KALRN: variants seen among roughly 807,000 people sequenced by gnomAD.
The protein encoded by KALRN is kalirin RhoGEF kinase.
KALRN carries 70 observed loss-of-function variants against 353.7 expected under a neutral mutation model. The observed-to-expected ratio is 0.20, with a 90% CI of 0.16 to 0.24. KALRN has a LOEUF of 0.24. KALRN is among the 10% of genes least tolerant of loss of function. KALRN has a pLI of 1.00. For missense variants in KALRN, 2,791 were observed against 3,756.7 expected, an observed-to-expected ratio of 0.74 and a Z score of 6.72; for synonymous variants, 1,391 against 1,434.8, an observed-to-expected ratio of 0.97 and a Z score of 0.69.
intron 1 of KALRN, among the ~76,000 whole-genome samples, chr3:124,197,698 G>A (rs573206257): frequency 6.6e-6 from 1 of 152,288 alleles, no homozygotes; most frequent in African/African-American, 2.4e-5. Context: ...GACGTGACAG[G>A]CAGGGCTTGT....
intron 51 of KALRN, among the ~76,000 whole-genome samples, chr3:124,680,912 T>A (rs1378356429): frequency 6.6e-6 from 1 of 152,176 alleles, no homozygotes; most frequent in Admixed American, 6.5e-5. Flanking sequence ...TCAGGCTCTG[T>A]TTTCCTTGCA....
chr3:124,108,133 C>T (rs1021970640), intron 1 of KALRN, among the ~76,000 whole-genome samples: 6 of 152,146 alleles, frequency 3.9e-5, no homozygotes, highest in African/African-American at 1.2e-4. Flanking sequence ...CTCCACTTAG[C>T]ACAAGGAACA....
At chr3:124,441,460 C>T (rs1363765370) in intron 18 of KALRN, among the ~76,000 whole-genome samples, 1 of 152,178 alleles carries the variant, frequency 6.6e-6, no homozygotes, top group East Asian at 1.9e-4. Flanking sequence ...ATTGGAGTCT[C>T]CATGAACCAG....
chr3:124,462,718 T>C, intron 25 of KALRN, 85 bp downstream of exon 25: 1 of 732,524 alleles, frequency 1.4e-6, no homozygotes, highest in South Asian at 1.7e-5. Context: ...TCAAAGGCGA[T>C]TGGTGAATCT....
chr3:124,175,599 G>A (rs1024773470), intron 1 of KALRN, among the ~76,000 whole-genome samples: 6 of 151,288 alleles, frequency 4.0e-5, no homozygotes, highest in Admixed American at 1.3e-4. Context: ...GGAGGTGCGC[G>A]CTGCCGAGTG....
At chr3:124,696,561 A>C (rs911653129) in intron 54 of KALRN, among the ~76,000 whole-genome samples, 1 of 152,220 alleles carries the variant, frequency 6.6e-6, no homozygotes, top group African/African-American at 2.4e-5. Context: ...AAAAAATTCA[A>C]ATAGAGACAG....
intron 3 of KALRN, among the ~76,000 whole-genome samples, chr3:124,261,599 A>G (rs1187988249): frequency 6.6e-6 from 1 of 152,216 alleles, no homozygotes; most frequent in Non-Finnish European, 1.5e-5. Context: ...GTTGTCAGAA[A>G]TGATTAGTTA....
intron 1 of KALRN, among the ~76,000 whole-genome samples, chr3:124,148,692 C>T (rs1423290757): frequency 6.6e-6 from 1 of 151,442 alleles, no homozygotes; most frequent in Non-Finnish European, 1.5e-5. Flanking sequence ...GAAGCATGCG[C>T]TGAGTTAATC....
intron 2 of KALRN, among the ~76,000 whole-genome samples, chr3:124,231,390 C>T (rs932951093): frequency 2.0e-5 from 3 of 152,218 alleles, no homozygotes; most frequent in Admixed American, 6.5e-5. Flanking sequence ...TGTGCATACA[C>T]GCCTTCCTTT....
At chr3:124,210,040 T>C (rs562863687) in intron 1 of KALRN, among the ~76,000 whole-genome samples, 3 of 152,192 alleles carry the variant, frequency 2.0e-5, no homozygotes, top group African/African-American at 7.2e-5. Flanking sequence ...AGTGAAAGAG[T>C]TGTAGGTTCA....
intron 1 of KALRN, among the ~76,000 whole-genome samples, chr3:124,168,231 TGAA>T (rs933587285): frequency 1.3e-5 from 2 of 152,128 alleles, no homozygotes; most frequent in Admixed American, 1.3e-4. Context: ...TTTAAAAAGT[TGAA>T]GAGTTATGCG....
intron 3 of KALRN, among the ~76,000 whole-genome samples, chr3:124,242,194 C>T (rs189055123): frequency 5.2e-4 from 79 of 152,328 alleles, no homozygotes; most frequent in South Asian, 1.5e-3. Context: ...AATGGGGAAA[C>T]AGTTCCAATA....
At chr3:124,233,510 T>G (rs551790904) in intron 2 of KALRN, among the ~76,000 whole-genome samples, 2 of 152,274 alleles carry the variant, frequency 1.3e-5, no homozygotes, top group South Asian at 4.2e-4. Context: ...GCTGAAACAC[T>G]TTTTCATCAG....
intron 48 of KALRN, among the ~76,000 whole-genome samples, chr3:124,673,097 A>G (rs2086663757): frequency 6.6e-6 from 1 of 152,146 alleles, no homozygotes; most frequent in African/African-American, 2.4e-5. Flanking sequence ...TTTGTCAAAC[A>G]TATCGGGCCA....
At chr3:124,416,735 A>G (rs935211702) in intron 14 of KALRN, among the ~76,000 whole-genome samples, 1 of 152,240 alleles carries the variant, frequency 6.6e-6, no homozygotes, top group South Asian at 2.1e-4. Context: ...CCAATGGCTG[A>G]GGAATGTAAG....
chr3:124,218,227 C>A (rs1039808326), intron 1 of KALRN, among the ~76,000 whole-genome samples: 3 of 152,146 alleles, frequency 2.0e-5, no homozygotes, highest in Admixed American at 2.0e-4. Flanking sequence ...ACTGACTTTT[C>A]AAGTCAGCAA....
chr3:124,245,688 T>C (rs896013533), intron 3 of KALRN, among the ~76,000 whole-genome samples: 1 of 152,114 alleles, frequency 6.6e-6, no homozygotes, highest in Non-Finnish European at 1.5e-5. Context: ...TGTTGTTTTT[T>C]GTTTTTTTTT....
chr3:124,044,892 TC>T (rs57535469), intron 1 of KALRN, among the ~76,000 whole-genome samples: 6,166 of 28,048 alleles, frequency 0.22, 204 homozygotes, highest in South Asian at 0.41. Flanking sequence ...CTTCCTTCCT[TC>T]CTTCCTTCCT....
intron 34 of KALRN, among the ~76,000 whole-genome samples, chr3:124,613,106 G>A (rs1578346021): frequency 6.6e-6 from 1 of 152,144 alleles, no homozygotes; most frequent in Non-Finnish European, 1.5e-5. Flanking sequence ...AGGAAAAGTG[G>A]CCTTGCCACC....
Sources: gnomAD v4.1 joint callset for allele counts (sites outside exome capture counted in the v4.1 genomes callset) on GRCh38, gnomAD v4.1.1 for gene constraint, MANE v1.5 for transcripts, NCBI Gene and HGNC (gene_info 2026-07-23, HGNC 2026-07-21) for gene names.